Variants in RBFOX1 observed in about 807,000 individuals in gnomAD.
RBFOX1 encodes the protein RNA binding protein fox-1 homolog 1.
RBFOX1 carries 8 observed loss-of-function variants against 57.7 expected under a neutral mutation model. That is an observed-to-expected ratio of 0.14 (90% CI 0.08 to 0.25). RBFOX1 has a LOEUF of 0.25. Ranked by LOEUF, RBFOX1 falls within the 10% of genes least tolerant of loss-of-function variation. The pLI, the probability that RBFOX1 is intolerant of heterozygous loss-of-function variation, is 1.00. For synonymous variants in RBFOX1, 326 were observed against 222.4 expected (o/e 1.47, Z -4.15); for missense variants, 611 against 548.5 (o/e 1.11, Z -1.14).
intron 3 of RBFOX1, among the ~76,000 whole-genome samples, chr16:7,022,646 C>T (rs2039650411): frequency 6.6e-6 from 1 of 151,962 alleles, no homozygotes; most frequent in Non-Finnish European, 1.5e-5. Context: ...ATATATTAGG[C>T]CCATCCCCGT....
At chr16:7,227,034 C>A (rs374250046) in intron 4 of RBFOX1, among the ~76,000 whole-genome samples, 1 of 152,108 alleles carries the variant, frequency 6.6e-6, no homozygotes, top group Non-Finnish European at 1.5e-5. Context: ...TTGTCCTCTC[C>A]GGCATTGCAC....
chr16:5,779,387 A>G (rs1443972307), intron 3 of RBFOX1, among the ~76,000 whole-genome samples: 2 of 152,196 alleles, frequency 1.3e-5, no homozygotes, highest in African/African-American at 4.8e-5. Flanking sequence ...TCATCAGATG[A>G]TCACCCGAGC....
At chr16:7,619,030 A>C (rs1013490331) in intron 10 of RBFOX1, among the ~76,000 whole-genome samples, 1 of 152,226 alleles carries the variant, frequency 6.6e-6, no homozygotes, top group African/African-American at 2.4e-5. Flanking sequence ...ACTGTATACC[A>C]TTATGGAAAC....
chr16:6,227,332 C>T (rs1013725614), intron 1 of RBFOX1, among the ~76,000 whole-genome samples: 8 of 152,140 alleles, frequency 5.3e-5, no homozygotes, highest in African/African-American at 1.9e-4. Context: ...CATGTGTTGC[C>T]GGTGCTGCAG....
At chr16:6,932,194 C>A (rs1342385564) in intron 3 of RBFOX1, among the ~76,000 whole-genome samples, 2 of 152,202 alleles carry the variant, frequency 1.3e-5, no homozygotes, top group South Asian at 2.1e-4. Context: ...ACCTCCACCT[C>A]CTGTGCTTGA....
At chr16:5,516,892 T>G (rs2043811903) in intron 2 of RBFOX1, among the ~76,000 whole-genome samples, 2 of 152,292 alleles carry the variant, frequency 1.3e-5, no homozygotes, top group South Asian at 2.1e-4. Flanking sequence ...CGTGCAGAAC[T>G]GTGAGTCAAT....
At chr16:5,316,142 G>C (rs2064232141) in intron 1 of RBFOX1, among the ~76,000 whole-genome samples, 1 of 152,164 alleles carries the variant, frequency 6.6e-6, no homozygotes, top group African/African-American at 2.4e-5. Flanking sequence ...CTTTTGCCTG[G>C]TATTCTCCCA....
chr16:7,234,689 G>GTGTA (rs148073965), intron 4 of RBFOX1, among the ~76,000 whole-genome samples: 4 of 146,682 alleles, frequency 2.7e-5, no homozygotes, highest in African/African-American at 7.5e-5. Context: ...ATATATATAT[G>GTGTA]TATATATATA....
intron 4 of RBFOX1, among the ~76,000 whole-genome samples, chr16:7,460,260 G>T (rs1007512113): frequency 6.6e-6 from 1 of 150,938 alleles, no homozygotes; most frequent in Non-Finnish European, 1.5e-5. Context: ...AAATATCCCT[G>T]TTTAATTTTC....
intron 3 of RBFOX1, among the ~76,000 whole-genome samples, chr16:6,807,075 A>G (rs2087023012): frequency 4.0e-5 from 6 of 151,578 alleles, no homozygotes; most frequent in Admixed American, 4.0e-4. Context: ...CTCAAGTAGT[A>G]TGCCTGCTTC....
At position 7,241,261 on chromosome 16, in the gene RBFOX1, C is replaced by G. The variant is rs539792314; in HGVS notation, c.27+189163C>G. ...TCTCATTAGCTGAATTCTGGCATCT[C>G]AGTCTCGGCACTACTATTTATTCTA... On this transcript the variant is annotated intron_variant, in intron 4 of 15. Coordinates refer to ENST00000550418, the MANE Select transcript of RBFOX1 (RefSeq NM_018723.4). Among the ~76,000 whole-genome samples, 19 of 152,214 alleles carry G rather than the reference C, an allele frequency of 1.2e-4. No homozygotes were observed. In the South Asian group the frequency reaches 3.3e-3, roughly 27 times the overall value.
intron 3 of RBFOX1, among the ~76,000 whole-genome samples, chr16:7,025,244 G>A (rs2040538879): frequency 6.6e-6 from 1 of 152,120 alleles, no homozygotes; most frequent in Admixed American, 6.5e-5. Context: ...ACCATATAGG[G>A]TAACTCTGTG....
rs547920436 is a variant in RBFOX1 at position 6,097,957 on chromosome 16, G to A, written c.-127+77965G>A. Among the ~76,000 whole-genome samples, 3 of 152,266 alleles carry A rather than the reference G, an allele frequency of 2.0e-5. No homozygotes were observed. Among genetic ancestry groups the A allele is most frequent in the South Asian group, 2.1e-4 (1 of 4,824 alleles). The stretch of plus-strand genomic sequence containing the variant: ...AGGGCTTTTAAACCATAGATGATCA[G>A]GGCCCCTGCTTGGTCTAGGATGGAG... On this transcript the variant is annotated intron_variant, in intron 1 of 15. Coordinates refer to ENST00000550418, the MANE Select transcript of RBFOX1 (RefSeq NM_018723.4). This position sits in a 1 kb window ranked among gnomAD's most constrained non-coding sequence, Gnocchi z 5.0.
intron 4 of RBFOX1, among the ~76,000 whole-genome samples, chr16:7,462,500 A>G (rs1339130637): frequency 6.6e-6 from 1 of 152,206 alleles, no homozygotes; most frequent in African/African-American, 2.4e-5. Flanking sequence ...CAAAACAAAA[A>G]CAAAACAAAC....
At chr16:7,546,164 T>G (rs1007074457) in intron 5 of RBFOX1, among the ~76,000 whole-genome samples, 2 of 151,624 alleles carry the variant, frequency 1.3e-5, no homozygotes, top group African/African-American at 2.4e-5. Flanking sequence ...CTGTCTCTAC[T>G]AAAAATATAA....
chr16:5,931,576 C>T (rs2059058274), intron 4 of RBFOX1, among the ~76,000 whole-genome samples: 1 of 152,116 alleles, frequency 6.6e-6, no homozygotes, highest in Non-Finnish European at 1.5e-5. Context: ...AGTCTTTGAG[C>T]AGCTGGGTCT....
intron 2 of RBFOX1, among the ~76,000 whole-genome samples, chr16:6,400,194 C>T (rs2093011686): frequency 6.6e-6 from 1 of 152,156 alleles, no homozygotes; most frequent in South Asian, 2.1e-4. Context: ...TCAAAGTAGA[C>T]TACATGTTGG....
chr16:6,939,079 C>A (rs1250525754), intron 3 of RBFOX1, among the ~76,000 whole-genome samples: 1 of 152,114 alleles, frequency 6.6e-6, no homozygotes, highest in Non-Finnish European at 1.5e-5. Context: ...TGTTCTTTTC[C>A]TGTCATTTTA....
chr16:5,574,191 C>A (rs899738227), intron 2 of RBFOX1, among the ~76,000 whole-genome samples: 8 of 152,114 alleles, frequency 5.3e-5, no homozygotes. Context: ...TCATTGGTTT[C>A]ATTTTTTCCA....
Sources: gnomAD v4.1 joint callset for allele counts (sites outside exome capture counted in the v4.1 genomes callset) on GRCh38, gnomAD v4.1.1 for gene constraint, Gnocchi (gnomAD v3.1) non-coding constraint, MANE v1.5 for transcripts, NCBI Gene and HGNC (gene_info 2026-07-23, HGNC 2026-07-21) for gene names.